The following CADPS variants were observed in gnomAD, a reference collection of about 807,000 sequenced individuals.
CADPS encodes the protein calcium-dependent secretion activator 1.
CADPS carries 57 observed loss-of-function variants against 167.3 expected under a neutral mutation model. The ratio of observed to expected loss-of-function variants is 0.34; its 90% CI spans 0.28 to 0.42. The LOEUF (loss-of-function observed/expected upper bound fraction) is 0.42, where lower values mean the gene tolerates loss of function less well. CADPS is among the 20% of genes least tolerant of loss of function. CADPS has a pLI of 1.00. For synonymous variants in CADPS, 676 were observed against 635.3 expected, an observed-to-expected ratio of 1.06 and a Z score of -0.96; for missense variants, 1,414 against 1,738.1, an observed-to-expected ratio of 0.81 and a Z score of 3.32.
In CADPS at chr3:62,710,265, G is replaced by A. The variant is rs1033947900; in HGVS notation, c.888+43176C>T. 6.6e-5 allele frequency among the ~76,000 whole-genome samples: 10 copies of A among 151,752 alleles called. 1 individual carries two copies. Among genetic ancestry groups the A allele is most frequent in the Non-Finnish European group, 1.3e-4 (9 of 67,962 alleles). ...TGGTTCTCAATCCTGGATGCACGCT[G>A]GCCTCAACTGGGGTGGGGGAGGGGC... On this transcript the variant is annotated intron_variant, in intron 3 of 29. Transcript: ENST00000383710.
intron 3 of CADPS, among the ~76,000 whole-genome samples, chr3:62,676,655 T>C (rs893969349): frequency 5.3e-5 from 8 of 152,166 alleles, no homozygotes; most frequent in African/African-American, 1.9e-4. Context: ...TTTTAAGTCC[T>C]GCAGGCGTTT....
At chr3:62,836,997 TA>T (rs2075991386) in intron 1 of CADPS, among the ~76,000 whole-genome samples, 1 of 152,194 alleles carries the variant, frequency 6.6e-6, no homozygotes, top group South Asian at 2.1e-4. Flanking sequence ...AATATTTTTG[TA>T]GGTAACTCTT....
chr3:62,403,333 C>T (rs1441802371), intron 28 of CADPS, 148 bp from the exon 29 acceptor site: 21 of 587,438 alleles, frequency 3.6e-5, no homozygotes, highest in African/African-American at 1.3e-4. Flanking sequence ...GTTTAATGAA[C>T]GTTAGTTAGT....
intron 28 of CADPS, among the ~76,000 whole-genome samples, chr3:62,428,296 CT>C (rs34002756): frequency 0.024 from 1,526 of 63,718 alleles, 2 homozygotes; most frequent in Non-Finnish European, 0.027. Context: ...GGAAGCAAGA[CT>C]TTTTTTTTTT....
At chr3:62,560,418 C>G (rs2152365941) in intron 9 of CADPS, among the ~76,000 whole-genome samples, 1 of 152,290 alleles carries the variant, frequency 6.6e-6, no homozygotes, top group East Asian at 1.9e-4. Context: ...GCAGTGAGCA[C>G]TGTTGTAATA....
chr3:62,533,179 T>C, intron 12 of CADPS, 121 bp from the exon 13 acceptor site: 1 of 773,370 alleles, frequency 1.3e-6, no homozygotes, highest in Non-Finnish European at 2.1e-6. Flanking sequence ...ACTCCTTGAT[T>C]GCCTATTATG....
chr3:62,634,821 C>T (rs2065959602), intron 6 of CADPS, among the ~76,000 whole-genome samples: 2 of 152,242 alleles, frequency 1.3e-5, no homozygotes, highest in South Asian at 4.1e-4. Flanking sequence ...TACATTTCTG[C>T]TTTTGTTCCC....
At chr3:62,838,151 C>G (rs1371133008) in intron 1 of CADPS, among the ~76,000 whole-genome samples, 1 of 152,188 alleles carries the variant, frequency 6.6e-6, no homozygotes, top group African/African-American at 2.4e-5. Flanking sequence ...TTGTGGGGCA[C>G]CCCCAAGATC....
chr3:62,716,342 T>C (rs1454511210), intron 3 of CADPS, among the ~76,000 whole-genome samples: 2 of 152,192 alleles, frequency 1.3e-5, no homozygotes, highest in African/African-American at 2.4e-5. Flanking sequence ...GTGTGAGCCA[T>C]TGTGCCTGGC....
intron 1 of CADPS, among the ~76,000 whole-genome samples, chr3:62,869,084 C>G (rs1200989255): frequency 2.0e-5 from 3 of 152,100 alleles, no homozygotes; most frequent in African/African-American, 7.2e-5. Flanking sequence ...ACTGGTTGAG[C>G]ATCCCTAATC....
chr3:62,592,265 AT>A (rs1486969436), intron 7 of CADPS, among the ~76,000 whole-genome samples: 2 of 152,084 alleles, frequency 1.3e-5, no homozygotes, highest in African/African-American at 4.8e-5. Context: ...CTCTTATGTC[AT>A]TGTGTTGACT....
intron 2 of CADPS, among the ~76,000 whole-genome samples, chr3:62,762,079 G>C (rs548347789): frequency 2.6e-5 from 4 of 152,192 alleles, no homozygotes; most frequent in Admixed American, 2.6e-4. Context: ...GGTTCAGACT[G>C]GGCTGGATGG....
intron 6 of CADPS, among the ~76,000 whole-genome samples, chr3:62,600,803 G>A (rs2059846265): frequency 6.6e-6 from 1 of 152,168 alleles, no homozygotes; most frequent in South Asian, 2.1e-4. Flanking sequence ...ATAAATTGGG[G>A]ATAAGAATAT....
chr3:62,821,829 C>T (rs773614567), intron 1 of CADPS, among the ~76,000 whole-genome samples: 1 of 152,164 alleles, frequency 6.6e-6, no homozygotes. Context: ...CAAGGCTGAA[C>T]TCAAGGTATC....
intron 2 of CADPS, among the ~76,000 whole-genome samples, chr3:62,757,397 G>C (rs1404144572): frequency 1.3e-5 from 2 of 152,048 alleles, no homozygotes; most frequent in African/African-American, 4.8e-5. Context: ...GTCGTTGTTT[G>C]TTTCTATTAC....
At chr3:62,559,073 A>G (rs1246682838) in intron 9 of CADPS, among the ~76,000 whole-genome samples, 1 of 152,158 alleles carries the variant, frequency 6.6e-6, no homozygotes, top group Non-Finnish European at 1.5e-5. Context: ...TAGAGAATTA[A>G]TTGAGTTTTA....
chr3:62,638,972 G>C (rs778952173), intron 6 of CADPS, among the ~76,000 whole-genome samples: 16 of 152,098 alleles, frequency 1.1e-4, no homozygotes, highest in Admixed American at 4.6e-4. Flanking sequence ...TCCAAAACTT[G>C]TTCCCTAGCA....
intron 17 of CADPS, among the ~76,000 whole-genome samples, chr3:62,504,494 A>G (rs576567922): frequency 6.6e-6 from 1 of 152,322 alleles, no homozygotes; most frequent in South Asian, 2.1e-4. Context: ...CTGGTGGTGA[A>G]TAAAACAATA....
chr3:62,875,161 T>TG lies in CADPS; in HGVS notation c.-133dup. On this transcript the variant is annotated 5_prime_UTR_variant, in exon 1 of 30. Coordinates refer to ENST00000383710, the MANE Select transcript of CADPS (RefSeq NM_003716.4). ...CCAGGTCAGGGAGCGAGAGCGCTGC[T>TG]GCTCAGCCTCGGCCGCCGCGACTGA... 8.4e-7 allele frequency: 1 copy of TG among 1,195,528 alleles called. No homozygotes were observed. The highest frequency in any genetic ancestry group is 1.1e-6 in the Non-Finnish European group (1 of 940,044). 74.1% of individuals were successfully genotyped at this position (1,195,528 alleles called of 1,614,324 possible). A position where few individuals can be genotyped will look rare whatever the true frequency, so the allele number is the denominator to read the frequency against.
Sources: gnomAD v4.1 joint callset for allele counts (sites outside exome capture counted in the v4.1 genomes callset) on GRCh38, gnomAD v4.1.1 for gene constraint, MANE v1.5 for transcripts, NCBI Gene and HGNC (gene_info 2026-07-23, HGNC 2026-07-21) for gene names.